Variants in IL1R2 observed in about 807,000 individuals in gnomAD.
IL1R2 encodes interleukin-1 receptor type 2.
In IL1R2, 46 loss-of-function variants were observed where a neutral mutation model predicts 39.5. The ratio of observed to expected loss-of-function variants is 1.16; its 90% CI spans 0.92 to 1.49. The LOEUF is 1.49. Among genes scored for constraint, IL1R2 ranks in the 40% most tolerant of loss-of-function variants. IL1R2 has a pLI of 0.00. For missense variants in IL1R2, 537 were observed against 502.0 expected, an observed-to-expected ratio of 1.07 and a Z score of -0.67; for synonymous variants, 207 against 189.6, an observed-to-expected ratio of 1.09 and a Z score of -0.75.
At chr2:102,006,066 A>T (rs1676242879) in intron 1 of IL1R2, among the ~76,000 whole-genome samples, 1 of 152,216 alleles carries the variant, frequency 6.6e-6, no homozygotes, top group African/African-American at 2.4e-5. Flanking sequence ...ATTGTTATAC[A>T]CTAGTCCCTA....
rs554279200 is a variant in IL1R2 at position 101,999,515 on chromosome 2, C to T, written c.-62+7504C>T. ...AGTTCAGTGGTTGTCTGCTATGACT[C>T]GATGCTTTAGAAACTGAAGCTGTAT... On this transcript the variant is annotated intron_variant, in intron 1 of 8. Transcript: ENST00000332549. Among the ~76,000 whole-genome samples, 10 of 152,304 alleles carry T rather than the reference C, an allele frequency of 6.6e-5. No homozygotes were observed. The South Asian group carries it at 1.2e-3, about 19-fold the overall frequency.
At chr2:101,995,861 G>T (rs1675561834) in intron 1 of IL1R2, among the ~76,000 whole-genome samples, 1 of 152,214 alleles carries the variant, frequency 6.6e-6, no homozygotes, top group Non-Finnish European at 1.5e-5. Flanking sequence ...ACAAGTGCCG[G>T]AGGGTGGAGA....
chr2:101,997,698 C>G (rs1675659968), intron 1 of IL1R2, among the ~76,000 whole-genome samples: 2 of 152,210 alleles, frequency 1.3e-5, no homozygotes, highest in African/African-American at 4.8e-5. Context: ...ACCCCTTTAC[C>G]TAACAGCCAC....
At chr2:102,022,315 G>A (rs1003457521) in intron 6 of IL1R2, 66 bp downstream of exon 6, 2 of 1,362,204 alleles carry the variant, frequency 1.5e-6, no homozygotes, top group African/African-American at 1.4e-5. Context: ...AATGCAGGGG[G>A]CTTGGGACCC....
chr2:102,024,155 C>T (rs907039858), intron 6 of IL1R2, among the ~76,000 whole-genome samples: 1 of 152,108 alleles, frequency 6.6e-6, no homozygotes, highest in Non-Finnish European at 1.5e-5. Context: ...ACATTAGAGC[C>T]AAGACCAGCC....
rs1490249537 is a variant in IL1R2, at chr2:102,004,368, T to C, written c.-61-4147T>C. On this transcript the variant is annotated intron_variant, in intron 1 of 8. Coordinates refer to ENST00000332549, the MANE Select transcript of IL1R2 (RefSeq NM_004633.4). ...GGCTGTGCATCAGCTCTTTCTACCT[T>C]CCAGCATTCTTTTTCCTTCCTTTCA... Among the ~76,000 whole-genome samples, 11 of 152,154 alleles carry C rather than the reference T, an allele frequency of 7.2e-5. No homozygotes were observed. The East Asian group carries it at 2.1e-3, about 29-fold the overall frequency.
intron 7 of IL1R2, 94 bp downstream of exon 7, chr2:102,024,762 G>T: frequency 1.4e-6 from 2 of 1,442,538 alleles, no homozygotes; most frequent in Non-Finnish European, 1.8e-6. Context: ...CACATTAAAA[G>T]TTACTTTTTT....
intron 7 of IL1R2, among the ~76,000 whole-genome samples, chr2:102,025,755 A>G (rs1290192152): frequency 2.0e-5 from 3 of 152,270 alleles, no homozygotes. Context: ...TTTAATGGTG[A>G]GGGACTCAAG....
intron 4 of IL1R2, 178 bp downstream of exon 4, chr2:102,016,229 GA>G (rs1676996263): frequency 1.9e-6 from 1 of 525,494 alleles, no homozygotes. Flanking sequence ...ACCAACCTGG[GA>G]TTGAAAATAT....
intron 6 of IL1R2, among the ~76,000 whole-genome samples, chr2:102,022,817 A>AGTGAGGGTAC (rs1271142971): frequency 8.5e-5 from 13 of 152,240 alleles, no homozygotes; most frequent in African/African-American, 3.1e-4. Flanking sequence ...ACTAGTGGCC[A>AGTGAGGGTAC]GTGAGGGTAC....
At chr2:101,997,150 C>T (rs1329838103) in intron 1 of IL1R2, among the ~76,000 whole-genome samples, 1 of 152,154 alleles carries the variant, frequency 6.6e-6, no homozygotes, top group East Asian at 1.9e-4. Flanking sequence ...TGTCCCTGGA[C>T]CTTCCTGGTC....
At chr2:102,017,358 T>C (rs982573569) in intron 4 of IL1R2, among the ~76,000 whole-genome samples, 2 of 147,964 alleles carry the variant, frequency 1.4e-5, no homozygotes, top group African/African-American at 5.0e-5. Flanking sequence ...GATCACGCCA[T>C]TGCACTCCAG....
chr2:102,008,927 C>A (rs1224763124), intron 2 of IL1R2, among the ~76,000 whole-genome samples: 1 of 149,226 alleles, frequency 6.7e-6, no homozygotes, highest in African/African-American at 2.5e-5. Context: ...ACTTGGGAGG[C>A]TGAGGTGAGA....
intron 3 of IL1R2, among the ~76,000 whole-genome samples, chr2:102,015,254 T>G (rs1248890683): frequency 6.6e-6 from 1 of 152,176 alleles, no homozygotes; most frequent in Non-Finnish European, 1.5e-5. Context: ...TAAGCCCTTT[T>G]GAAGAGGACT....
intron 1 of IL1R2, among the ~76,000 whole-genome samples, chr2:101,999,788 A>C (rs1675759081): frequency 6.6e-6 from 1 of 152,236 alleles, no homozygotes; most frequent in African/African-American, 2.4e-5. Flanking sequence ...TAAAAACCTT[A>C]GAATTCCTGG....
rs550245933 is a variant in IL1R2, at chr2:102,024,646, C to A, written c.865C>A (p.Arg289Ser). The change falls in exon 7 of 9, where the codon CGC becomes AGC. Residue 289 changes from arginine (R) to serine (S), a missense_variant. Transcript: ENST00000332549. Reference protein sequence around the residue: ...THIESAYPGGRVTEGPRQEYS... With the variant: ...THIESAYPGGSVTEGPRQEYS... Reference sequence around the variant, plus strand: ...CATAGAGAGCGCCTACCCGGGAGGCCGCGTGACCGAGGGGCCACGCCAGTA... The same window carrying A: ...CATAGAGAGCGCCTACCCGGGAGGCAGCGTGACCGAGGGGCCACGCCAGTA... The A allele has an allele frequency of 1.9e-6, 3 of 1,613,946 alleles. No individual in the cohort carries two copies. Among genetic ancestry groups the A allele is most frequent in the South Asian group, 2.2e-5 (2 of 91,066 alleles).
At chr2:102,022,285 G>GT (rs773839071) in intron 6 of IL1R2, 36 bp downstream of exon 6, 35 of 1,566,152 alleles carry the variant, frequency 2.2e-5, no homozygotes, top group Admixed American at 5.0e-5. Flanking sequence ...CCACGCACCT[G>GT]TGGGGGTGCC....
chr2:102,003,675 G>A (rs1023687151), intron 1 of IL1R2, among the ~76,000 whole-genome samples: 92 of 105,894 alleles, frequency 8.7e-4, no homozygotes, highest in African/African-American at 3.0e-3. Context: ...TGTCTGTGTC[G>A]GTGTCTGTGT....
chr2:102,019,512 G>A (rs1186736118), intron 4 of IL1R2, 126 bp from the exon 5 acceptor site: 2 of 684,366 alleles, frequency 2.9e-6, no homozygotes, highest in African/African-American at 1.8e-5. Flanking sequence ...TACAAAATTG[G>A]CAAAGTAAAT....
Sources: allele counts gnomAD v4.1 joint callset (sites outside exome capture counted in the v4.1 genomes callset), GRCh38; gene constraint gnomAD v4.1.1; transcripts MANE v1.5; gene names NCBI Gene and HGNC (gene_info 2026-07-23, HGNC 2026-07-21).